Variants in DOCK2 observed in about 807,000 individuals in gnomAD.
DOCK2 encodes the protein dedicator of cytokinesis protein 2.
In DOCK2, 87 loss-of-function variants were observed where a neutral mutation model predicts 248.9. That is an observed-to-expected ratio of 0.35 (90% CI 0.29 to 0.42). The LOEUF is 0.42. Ranked by LOEUF, DOCK2 falls within the 10% of genes least tolerant of loss-of-function variation. The pLI is 1.00. For synonymous variants in DOCK2, 805 were observed against 821.6 expected (o/e 0.98, Z 0.35); for missense variants, 1,747 against 2,300.2 (o/e 0.76, Z 4.92).
At chr5:169,639,862 A>G (rs264869) in intron 1 of DOCK2, among the ~76,000 whole-genome samples, 109,716 of 152,192 alleles carry the variant, frequency 0.72, 39,836 homozygotes, top group East Asian at 0.82. Context: ...TAGTTTGCTC[A>G]GGCTGCTGTA....
intron 27 of DOCK2, among the ~76,000 whole-genome samples, chr5:169,982,196 G>C (rs1488100004): frequency 6.6e-6 from 1 of 151,824 alleles, no homozygotes; most frequent in Non-Finnish European, 1.5e-5. Context: ...ACTTGCAAGA[G>C]ACAGTCAAAA....
intron 9 of DOCK2, among the ~76,000 whole-genome samples, chr5:169,690,641 T>A (rs1258212791): frequency 6.6e-6 from 1 of 152,220 alleles, no homozygotes; most frequent in Non-Finnish European, 1.5e-5. Context: ...ATTTTCTGGA[T>A]AAATAGGAGA....
At chr5:169,904,066 T>C (rs115972436) in intron 27 of DOCK2, among the ~76,000 whole-genome samples, 9,301 of 128,982 alleles carry the variant, frequency 0.072, 320 homozygotes, top group African/African-American at 0.091. Flanking sequence ...GACTCCAGCC[T>C]GGGCAACAGA....
chr5:169,941,672 A>G (rs1411966984), intron 27 of DOCK2, among the ~76,000 whole-genome samples: 2 of 152,206 alleles, frequency 1.3e-5, no homozygotes, highest in Non-Finnish European at 2.9e-5. Flanking sequence ...CCAGCAGGGT[A>G]TGGCATGATT....
At chr5:170,076,804 A>T (rs1195977521) in intron 47 of DOCK2, among the ~76,000 whole-genome samples, 1 of 152,264 alleles carries the variant, frequency 6.6e-6, no homozygotes, top group African/African-American at 2.4e-5. Context: ...ATTTTTTTCC[A>T]TGAGGCAGTT....
intron 26 of DOCK2, among the ~76,000 whole-genome samples, chr5:169,831,216 CAAAA>C (rs5873194): frequency 6.7e-6 from 1 of 150,300 alleles, no homozygotes; most frequent in Non-Finnish European, 1.5e-5. Flanking sequence ...AATAAATTTT[CAAAA>C]AAAAAAGGTG....
rs747454436 is a variant in DOCK2, at chr5:169,717,394, T to C, written c.2042T>C (p.Ile681Thr). ...ILVFDALIYIIGLIADRKFQH... is the reference protein window; with the variant it reads ...ILVFDALIYITGLIADRKFQH... The stretch of plus-strand genomic sequence containing the variant: ...TTGCATCTTCCTCAGATTTACATAA[T>C]AGGACTCATTGCAGACCGGAAATTT... Residue 681 changes from isoleucine (I) to threonine (T), a missense_variant, in exon 21 of 52, where the codon ATA becomes ACA. Ile to Thr is a moderately conservative substitution (Grantham distance 89, BLOSUM62 -1). Around this residue, in one of 4 missense-constraint regions of DOCK2, gnomAD observed 858 missense variants for 1,183.5 expected, o/e 0.72. Transcript: ENST00000520908. 3.7e-6 allele frequency: 6 copies of C among 1,613,766 alleles called. No homozygotes were observed. The highest frequency in any genetic ancestry group is 5.1e-6 in the Non-Finnish European group (6 of 1,179,710).
intron 27 of DOCK2, chr5:169,884,503 T>C (rs924710287): frequency 6.6e-6 from 1 of 152,228 alleles, no homozygotes; most frequent in Non-Finnish European, 1.5e-5. Flanking sequence ...AAGGGAACAT[T>C]CCCATTTATG....
intron 37 of DOCK2, 89 bp downstream of exon 37, chr5:170,041,234 A>G (rs1340388126): frequency 8.0e-6 from 10 of 1,247,002 alleles, no homozygotes; most frequent in African/African-American, 3.0e-5. Context: ...AAAAAAAGAA[A>G]AAGAATCCAA....
chr5:169,827,315 A>G (rs1768930479), intron 26 of DOCK2, among the ~76,000 whole-genome samples: 1 of 152,172 alleles, frequency 6.6e-6, no homozygotes, highest in Non-Finnish European at 1.5e-5. Context: ...CTGTTTAGGC[A>G]GCTTCTCAAG....
intron 27 of DOCK2, among the ~76,000 whole-genome samples, chr5:169,850,216 G>C (rs577653590): frequency 6.6e-6 from 1 of 152,312 alleles, no homozygotes; most frequent in African/African-American, 2.4e-5. Flanking sequence ...AATTTAGTCA[G>C]TGAGGTTGGC....
intron 9 of DOCK2, among the ~76,000 whole-genome samples, chr5:169,689,720 A>G (rs1760185832): frequency 1.3e-5 from 2 of 152,178 alleles, no homozygotes; most frequent in Admixed American, 6.5e-5. Context: ...CTTTCTGAAA[A>G]ATCTTTCTAA....
Position 169,670,452 on chromosome 5 carries a change from G to C in DOCK2, c.169-90G>C, listed in dbSNP as rs953106255. Reference sequence around the variant, plus strand: ...GGATTTTATAAGCCAGTAGCTTTTGGAAAAAAATTATAAAGACGTAGGGTC... The same window carrying C: ...GGATTTTATAAGCCAGTAGCTTTTGCAAAAAAATTATAAAGACGTAGGGTC... On this transcript the variant is annotated intron_variant, in intron 3 of 51. Transcript: ENST00000520908. The C allele has an allele frequency of 1.4e-5, 20 of 1,454,402 alleles. No homozygotes were observed. In the African/African-American group the frequency reaches 2.6e-4, roughly 19 times the overall value. The allele number at this position is 1,454,402 out of a possible 1,614,324, so 90.1% of individuals were successfully genotyped here.
intron 22 of DOCK2, among the ~76,000 whole-genome samples, chr5:169,734,644 C>T (rs188895099): frequency 8.8e-4 from 134 of 152,308 alleles, no homozygotes; most frequent in African/African-American, 3.1e-3. Context: ...TCAGGACTGA[C>T]TTGTGGTTAA....
chr5:170,037,225 C>CT (rs1398222637), intron 36 of DOCK2, among the ~76,000 whole-genome samples: 2 of 151,702 alleles, frequency 1.3e-5, no homozygotes, highest in Non-Finnish European at 2.9e-5. Context: ...ATTTCCAGGA[C>CT]TTTTTTATAT....
chr5:169,674,401 G>A lies in DOCK2; in HGVS notation c.426G>A (p.Lys142=). The A allele has an allele frequency of 5.0e-6, 8 of 1,614,160 alleles. No homozygotes were observed. The highest frequency in any genetic ancestry group is 6.8e-6 in the Non-Finnish European group (8 of 1,179,998). ...LSGTLPKDEL[K]ELKQKVTSKI... is the part of the protein sequence containing the mutation. ...GAACCTTACCCAAGGATGAGCTGAA[G>A]GAACTGAAGCAGAAAGTCACGTCCA... Residue 142 remains lysine (K), a synonymous_variant, in exon 6 of 52, where the codon AAG becomes AAA. Coordinates refer to ENST00000520908, the MANE Select transcript of DOCK2 (RefSeq NM_004946.3).
At chr5:169,806,053 T>G (rs945056454) in intron 26 of DOCK2, among the ~76,000 whole-genome samples, 3 of 152,204 alleles carry the variant, frequency 2.0e-5, no homozygotes, top group African/African-American at 7.2e-5. Flanking sequence ...GAAATCTCTC[T>G]TCTTTTCTCA....
intron 7 of DOCK2, 147 bp from the exon 8 acceptor site, chr5:169,684,049 C>G: frequency 1.2e-6 from 1 of 850,872 alleles, no homozygotes; most frequent in Non-Finnish European, 1.8e-6. Flanking sequence ...CGAATTGATT[C>G]AGGTTACAGA....
chr5:170,036,264 T>C (rs753781510), intron 35 of DOCK2, among the ~76,000 whole-genome samples: 1 of 152,166 alleles, frequency 6.6e-6, no homozygotes, highest in Non-Finnish European at 1.5e-5. Flanking sequence ...TGATATGTGA[T>C]GGCTGAGACA....
Sources: gnomAD v4.1 joint callset for allele counts (sites outside exome capture counted in the v4.1 genomes callset) on GRCh38, gnomAD v4.1.1 for gene constraint, gnomAD v4.1.1 regional missense constraint, MANE v1.5 for transcripts, NCBI Gene and HGNC (gene_info 2026-07-23, HGNC 2026-07-21) for gene names.